Variants in FER1L6 observed in about 807,000 individuals in gnomAD.
FER1L6 encodes the protein fer-1-like protein 6.
Under a neutral mutation model 219.2 loss-of-function variants are expected in FER1L6, and 177 were observed. The ratio of observed to expected loss-of-function variants is 0.81; its 90% CI spans 0.71 to 0.91. The LOEUF (loss-of-function observed/expected upper bound fraction) is 0.91. Ranked by LOEUF, FER1L6 falls within the 40% of genes least tolerant of loss-of-function variation. FER1L6 has a pLI of 0.00. For missense variants in FER1L6, 2,153 were observed against 2,259.9 expected (o/e 0.95, Z 0.96); for synonymous variants, 768 against 824.3 (o/e 0.93, Z 1.17).
intron 10 of FER1L6, among the ~76,000 whole-genome samples, chr8:123,978,877 T>C (rs2130321925): frequency 6.6e-6 from 1 of 152,334 alleles, no homozygotes; most frequent in South Asian, 2.1e-4. Flanking sequence ...ACAAGATTGC[T>C]ATATGCAGAA....
chr8:124,097,441 A>AC, intron 36 of FER1L6, 82 bp downstream of exon 36: 1 of 1,030,164 alleles, frequency 9.7e-7, no homozygotes, highest in Non-Finnish European at 1.5e-6. Flanking sequence ...CTGGTGTCTG[A>AC]CAGGTTACCT....
At chr8:124,054,291 TG>T (rs1176787338) in intron 22 of FER1L6, among the ~76,000 whole-genome samples, 1 of 152,200 alleles carries the variant, frequency 6.6e-6, no homozygotes, top group Non-Finnish European at 1.5e-5. Context: ...TCTCAAAGTC[TG>T]GTTTTTTTTG....
intron 20 of FER1L6, among the ~76,000 whole-genome samples, 195 bp downstream of exon 20, chr8:124,040,201 T>C (rs1819422092): frequency 6.6e-6 from 1 of 152,212 alleles, no homozygotes; most frequent in South Asian, 2.1e-4. Context: ...GTGTGATTCA[T>C]TGTCCTAGGG....
At chr8:124,039,261 A>G (rs1259020696) in intron 19 of FER1L6, among the ~76,000 whole-genome samples, 1 of 152,210 alleles carries the variant, frequency 6.6e-6, no homozygotes, top group Non-Finnish European at 1.5e-5. Context: ...CTCAGAGATC[A>G]AGACTGTACA....
At chr8:124,027,396 G>A (rs1032252762) in intron 18 of FER1L6, among the ~76,000 whole-genome samples, 1 of 152,156 alleles carries the variant, frequency 6.6e-6, no homozygotes, top group African/African-American at 2.4e-5. Context: ...GTGAATAAAT[G>A]CAAGTAAAGA....
At chr8:123,889,642 A>G (rs1190707185) in intron 1 of FER1L6, among the ~76,000 whole-genome samples, 1 of 152,140 alleles carries the variant, frequency 6.6e-6, no homozygotes, top group East Asian at 1.9e-4. Flanking sequence ...AATTCTGTAT[A>G]TAAAAAAGGA....
At chr8:123,877,022 A>C (rs1227947188) in intron 1 of FER1L6, among the ~76,000 whole-genome samples, 1 of 152,128 alleles carries the variant, frequency 6.6e-6, no homozygotes, top group African/African-American at 2.4e-5. Context: ...GAGCTTCATA[A>C]CTGCCTATTT....
intron 13 of FER1L6, among the ~76,000 whole-genome samples, chr8:124,008,723 A>G (rs1289703278): frequency 2.0e-5 from 3 of 152,226 alleles, no homozygotes; most frequent in Non-Finnish European, 4.4e-5. Flanking sequence ...AATCTTCACA[A>G]TCTATACATC....
At chr8:124,081,732 A>G (rs1821564446) in intron 32 of FER1L6, among the ~76,000 whole-genome samples, 1 of 152,152 alleles carries the variant, frequency 6.6e-6, no homozygotes, top group Non-Finnish European at 1.5e-5. Flanking sequence ...TTTTCATTTA[A>G]AATAAATGTA....
intron 1 of FER1L6, among the ~76,000 whole-genome samples, chr8:123,897,482 TAA>T (rs1213744371): frequency 1.3e-5 from 2 of 152,228 alleles, no homozygotes; most frequent in African/African-American, 4.8e-5. Flanking sequence ...TGTAAAGATT[TAA>T]AGTCTTAAGC....
chr8:123,891,522 G>C (rs571039105), intron 1 of FER1L6, among the ~76,000 whole-genome samples: 2 of 152,056 alleles, frequency 1.3e-5, no homozygotes, highest in Non-Finnish European at 2.9e-5. Flanking sequence ...TCATTAGAAT[G>C]TTAGCAATTA....
At chr8:123,973,367 A>G in intron 6 of FER1L6, 67 bp from the exon 7 acceptor site, 1 of 1,301,752 alleles carries the variant, frequency 7.7e-7, no homozygotes, top group South Asian at 1.2e-5. Context: ...GGTCAAAGCT[A>G]GACAAGGGTC....
At chr8:124,071,679 C>T in intron 31 of FER1L6, 48 bp downstream of exon 31, 1 of 1,575,470 alleles carries the variant, frequency 6.3e-7, no homozygotes, top group Non-Finnish European at 8.7e-7. Flanking sequence ...TCTGCTCAGG[C>T]TGCCATAACA....
At position 123,856,314 on chromosome 8, in the gene FER1L6, G is replaced by GTA. The variant is rs1330740126; in HGVS notation, c.-8+4130_-8+4131insAT. Among the ~76,000 whole-genome samples the GTA allele has an allele frequency of 1.4e-3, 63 of 44,790 alleles. 10 individuals are homozygous for GTA. Among genetic ancestry groups the GTA allele is most frequent in the African/African-American group, 4.7e-3 (54 of 11,604 alleles). 29.4% of individuals were successfully genotyped at this position (44,790 alleles called of 152,430 possible). On this transcript the variant is annotated intron_variant, in intron 1 of 40. Coordinates refer to ENST00000522917, the MANE Select transcript of FER1L6 (RefSeq NM_001039112.2). ...TGTGTATATATATATATATATGTAT[G>GTA]TGTATATATATATATATATATATAT...
At chr8:124,089,384 A>G (rs2130937822) in intron 33 of FER1L6, among the ~76,000 whole-genome samples, 1 of 152,308 alleles carries the variant, frequency 6.6e-6, no homozygotes. Flanking sequence ...CTGCCAGGGA[A>G]TGGGGGAGGA....
At chr8:123,946,639 C>G (rs531443429) in intron 1 of FER1L6, among the ~76,000 whole-genome samples, 24 of 152,288 alleles carry the variant, frequency 1.6e-4, no homozygotes, top group Non-Finnish European at 4.4e-5. Context: ...ATATGTAAAA[C>G]ATAAAAATGG....
intron 10 of FER1L6, among the ~76,000 whole-genome samples, chr8:123,978,616 C>G (rs1426298878): frequency 6.6e-6 from 1 of 152,174 alleles, no homozygotes; most frequent in Admixed American, 6.5e-5. Context: ...CATACATGCA[C>G]ATGCATGTGT....
chr8:123,949,820 G>A (rs1814676978), intron 1 of FER1L6, among the ~76,000 whole-genome samples: 1 of 152,172 alleles, frequency 6.6e-6, no homozygotes, highest in East Asian at 1.9e-4. Flanking sequence ...ATGTAAACAT[G>A]ATGCCGTACT....
intron 5 of FER1L6, among the ~76,000 whole-genome samples, chr8:123,967,782 C>A (rs1043231765): frequency 6.6e-6 from 1 of 152,030 alleles, no homozygotes; most frequent in Non-Finnish European, 1.5e-5. Flanking sequence ...GTGGTGAAAC[C>A]CCATCTCTAC....
Sources: allele counts gnomAD v4.1 joint callset (sites outside exome capture counted in the v4.1 genomes callset), GRCh38; gene constraint gnomAD v4.1.1; transcripts MANE v1.5; gene names NCBI Gene and HGNC (gene_info 2026-07-23, HGNC 2026-07-21).